Variants in AP3B1 observed in about 807,000 individuals in gnomAD.
AP3B1 encodes AP-3 complex subunit beta-1.
AP3B1 carries 61 observed loss-of-function variants against 132.5 expected under a neutral mutation model. That is an observed-to-expected ratio of 0.46 (90% confidence interval 0.37 to 0.57). The LOEUF is 0.57. AP3B1 is among the 20% of genes least tolerant of loss of function. The pLI, the probability that AP3B1 is intolerant of heterozygous loss-of-function variation, is 0.00. For synonymous variants in AP3B1, 388 were observed against 438.3 expected (o/e 0.89, Z 1.43); for missense variants, 1,120 against 1,289.4 (o/e 0.87, Z 2.01).
intron 22 of AP3B1, chr5:78,042,092 C>G (rs1420095180): frequency 1.0e-5 from 2 of 191,436 alleles, no homozygotes; most frequent in African/African-American, 4.7e-5. Flanking sequence ...TTCTGTGCCT[C>G]TTTCATGCAG....
At chr5:78,207,629 G>C (rs1486621755) in intron 7 of AP3B1, among the ~76,000 whole-genome samples, 2 of 151,968 alleles carry the variant, frequency 1.3e-5, no homozygotes, top group Admixed American at 1.3e-4. Context: ...AGTGAACCTG[G>C]AGATCATATG....
At chr5:78,226,445 A>G (rs1372237596) in intron 5 of AP3B1, among the ~76,000 whole-genome samples, 3 of 152,180 alleles carry the variant, frequency 2.0e-5, no homozygotes, top group African/African-American at 7.2e-5. Flanking sequence ...ATCCCATCTC[A>G]TTACATCTTT....
At chr5:78,078,522 A>G (rs1279771020) in intron 22 of AP3B1, among the ~76,000 whole-genome samples, 2 of 152,222 alleles carry the variant, frequency 1.3e-5, no homozygotes, top group African/African-American at 4.8e-5. Context: ...TGGCAAAAAC[A>G]TAATATACAT....
rs1752592473 is a variant in AP3B1 at position 78,129,274 on chromosome 5, C to T, written c.1684G>A (p.Gly562Ser). ...ATGTCGTAGTTTTGATCATACTTGCCGAGATTTAATATGTACTGGGTAAGC... is the reference window on the plus strand; with the variant it reads ...ATGTCGTAGTTTTGATCATACTTGCTGAGATTTAATATGTACTGGGTAAGC... ...KLLTQYILNL[G>S]KYDQNYDIRD... The change falls in exon 16 of 27, where the codon GGC (glycine) becomes AGC (serine). Residue 562 changes from glycine (G) to serine (S), a missense_variant. Gly to Ser is a moderately conservative substitution (Grantham distance 56, BLOSUM62 0). This residue lies in a region of AP3B1 where 906 missense variants were observed against 997.1 expected (regional missense o/e 0.91). Coordinates refer to ENST00000255194, the MANE Select transcript of AP3B1 (RefSeq NM_003664.5). 27 of 1,612,706 alleles carry T rather than the reference C, an allele frequency of 1.7e-5. No homozygotes were observed. The highest frequency in any genetic ancestry group is 4.4e-5 in the South Asian group (4 of 91,034).
chr5:78,190,384 C>T (rs1744778812), intron 7 of AP3B1, among the ~76,000 whole-genome samples: 6 of 152,028 alleles, frequency 3.9e-5, no homozygotes, highest in Admixed American at 3.9e-4. Context: ...AAAAAATTGA[C>T]AAGTGAAGGG....
intron 1 of AP3B1, among the ~76,000 whole-genome samples, chr5:78,286,374 C>T (rs12656940): frequency 0.031 from 4,654 of 152,234 alleles, 121 homozygotes; most frequent in East Asian, 0.14. Context: ...GGGCTCCTCC[C>T]TTCATGAATG....
intron 11 of AP3B1, among the ~76,000 whole-genome samples, chr5:78,168,766 T>A (rs940226625): frequency 2.6e-5 from 4 of 152,228 alleles, no homozygotes; most frequent in African/African-American, 4.8e-5. Context: ...ACTATGCACG[T>A]AAGTTTCAAT....
At chr5:78,230,985 T>C (rs1746624635) in intron 3 of AP3B1, among the ~76,000 whole-genome samples, 1 of 151,838 alleles carries the variant, frequency 6.6e-6, no homozygotes. Flanking sequence ...CCAGGTGTAT[T>C]GGCCCATGCC....
chr5:78,252,865 C>T lies in AP3B1; in HGVS notation c.205-11929G>A, dbSNP rs138493545. Reference sequence around the variant, plus strand: ...TTTGCTACCTGCTGACTGTAGAGCCCCAGGGCCTTGAGCAAACATGGCAAT... The same window carrying T: ...TTTGCTACCTGCTGACTGTAGAGCCTCAGGGCCTTGAGCAAACATGGCAAT... On this transcript the variant is annotated intron_variant, in intron 2 of 26. Transcript: ENST00000255194. Among the ~76,000 whole-genome samples the T allele has an allele frequency of 3.9e-3, 593 of 152,306 alleles. 4 individuals are homozygous for T. Among genetic ancestry groups the T allele is most frequent in the African/African-American group, 0.014 (568 of 41,566 alleles).
At chr5:78,219,248 A>T (rs1746083931) in intron 6 of AP3B1, among the ~76,000 whole-genome samples, 1 of 152,168 alleles carries the variant, frequency 6.6e-6, no homozygotes. Flanking sequence ...TATCAAAAAG[A>T]TTTATTTAGG....
intron 1 of AP3B1, among the ~76,000 whole-genome samples, chr5:78,293,818 T>C (rs769384751): frequency 5.9e-5 from 9 of 152,230 alleles, no homozygotes; most frequent in Non-Finnish European, 1.2e-4. Flanking sequence ...TTCACATTAT[T>C]AATCTGTAAA....
intron 17 of AP3B1, among the ~76,000 whole-genome samples, chr5:78,118,690 T>C (rs996259501): frequency 6.6e-6 from 1 of 152,218 alleles, no homozygotes; most frequent in African/African-American, 2.4e-5. Context: ...TCGAACTGGA[T>C]GGAGCCCACC....
chr5:78,203,736 G>A (rs1745392726), intron 7 of AP3B1, among the ~76,000 whole-genome samples: 1 of 152,002 alleles, frequency 6.6e-6, no homozygotes, highest in Admixed American at 6.6e-5. Context: ...TGCACTTGAT[G>A]TCATCACACA....
chr5:78,069,237 T>C (rs1260535918), intron 22 of AP3B1, among the ~76,000 whole-genome samples: 2 of 152,258 alleles, frequency 1.3e-5, no homozygotes, highest in East Asian at 3.9e-4. Flanking sequence ...CTATTCAACA[T>C]AGTATTGGAA....
chr5:78,129,448 T>C, intron 15 of AP3B1, 141 bp from the exon 16 acceptor site: 2 of 770,180 alleles, frequency 2.6e-6, no homozygotes, highest in South Asian at 1.6e-5. Context: ...ACATTTCTAA[T>C]GCTGCAAATG....
chr5:78,196,844 T>G (rs898677225), intron 7 of AP3B1, among the ~76,000 whole-genome samples: 1 of 152,172 alleles, frequency 6.6e-6, no homozygotes, highest in South Asian at 2.1e-4. Context: ...TTAAAAAGAC[T>G]AGTGACTGCC....
chr5:78,181,474 A>G (rs771788299), intron 8 of AP3B1, 33 bp downstream of exon 8: 2 of 1,600,562 alleles, frequency 1.2e-6, no homozygotes, highest in Admixed American at 3.3e-5. Flanking sequence ...TTTAAAAACC[A>G]GTGAATTATT....
chr5:78,231,331 G>A (rs985239553), intron 3 of AP3B1, among the ~76,000 whole-genome samples: 3 of 151,812 alleles, frequency 2.0e-5, no homozygotes, highest in African/African-American at 7.3e-5. Flanking sequence ...GCACCACCAC[G>A]CCCAGCTAAC....
intron 19 of AP3B1, among the ~76,000 whole-genome samples, chr5:78,113,061 G>T (rs540423954): frequency 6.6e-6 from 1 of 152,196 alleles, no homozygotes; most frequent in Non-Finnish European, 1.5e-5. Context: ...AGCAGAGAGC[G>T]TACTGCGCCC....
Sources: gnomAD v4.1 joint callset for allele counts (sites outside exome capture counted in the v4.1 genomes callset) on GRCh38, gnomAD v4.1.1 for gene constraint, gnomAD v4.1.1 regional missense constraint, MANE v1.5 for transcripts, NCBI Gene and HGNC (gene_info 2026-07-23, HGNC 2026-07-21) for gene names.